The following RAP2A variants were observed in gnomAD, a reference collection of about 807,000 sequenced individuals.
The protein encoded by RAP2A is RAP2A, member of RAS oncogene family.
In RAP2A, 5 loss-of-function variants were observed where a neutral mutation model predicts 15.1. The observed-to-expected ratio is 0.33, with a 90% confidence interval of 0.17 to 0.70. The LOEUF is 0.70. RAP2A is among the 30% of genes least tolerant of loss of function. The pLI is 0.68. For synonymous variants in RAP2A, 110 were observed against 99.7 expected, an observed-to-expected ratio of 1.10 and a Z score of -0.62; for missense variants, 111 against 240.3, an observed-to-expected ratio of 0.46 and a Z score of 3.56.
chr13:97,448,262 A>G (rs2066687807), intron 1 of RAP2A, among the ~76,000 whole-genome samples: 1 of 152,206 alleles, frequency 6.6e-6, no homozygotes, highest in Admixed American at 6.5e-5. Flanking sequence ...ATAAAACATA[A>G]ATAACAGTTT....
Position 97,465,668 on chromosome 13 carries a change from C to T in RAP2A, c.*1226C>T, listed in dbSNP as rs2066767554. On this transcript the variant is annotated 3_prime_UTR_variant, in exon 2 of 2. Transcript: ENST00000245304. ...AACAATTTTGCCCTGATTACTGAAG[C>T]GTCAAATAAAGCTGGAGTGAAAATT... 2.0e-5 allele frequency: 3 copies of T among 152,256 alleles called. No homozygotes were observed. Among genetic ancestry groups the T allele is most frequent in the East Asian group, 1.9e-4 (1 of 5,184 alleles). The allele number at this position is 152,256 out of a possible 1,614,324, so 9.4% of individuals were successfully genotyped here. A position where few individuals can be genotyped will look rare whatever the true frequency, so the allele number is the denominator to read the frequency against.
chr13:97,440,820 A>C (rs904372800), intron 1 of RAP2A, among the ~76,000 whole-genome samples: 2 of 152,158 alleles, frequency 1.3e-5, no homozygotes, highest in African/African-American at 4.8e-5. Context: ...TCATTCATTC[A>C]TTCATTCATT....
intron 1 of RAP2A, among the ~76,000 whole-genome samples, chr13:97,448,950 A>G (rs1253875114): frequency 1.3e-5 from 2 of 152,076 alleles, no homozygotes; most frequent in Non-Finnish European, 2.9e-5. Flanking sequence ...AGGTGCACAG[A>G]TGCAGTGAGC....
rs1375130867 is a variant in RAP2A at position 97,464,747 on chromosome 13, C to A, written c.*305C>A. The A allele has an allele frequency of 1.5e-5, 5 of 322,994 alleles. No individual in the cohort carries two copies. Among genetic ancestry groups the A allele is most frequent in the Non-Finnish European group, 2.8e-5 (5 of 175,488 alleles). 20.0% of individuals were successfully genotyped at this position (322,994 alleles called of 1,614,324 possible). A position where few individuals can be genotyped will look rare whatever the true frequency, so the allele number is the denominator to read the frequency against. On this transcript the variant is annotated 3_prime_UTR_variant, in exon 2 of 2. Coordinates refer to ENST00000245304, the MANE Select transcript of RAP2A (RefSeq NM_021033.7). The stretch of plus-strand genomic sequence containing the variant: ...GGCATTGTCGCTGAGTTGACAGAAG[C>A]AACTATTGTACAAATTAAAAATAAC...
rs545578031 is a variant in RAP2A at position 97,441,336 on chromosome 13, C to T, written c.314+6552C>T. ...GGCAAAAATAATTTAAATTATTAAACATTAAGGAAGAGGTAGAGGAACTAA... is the reference window on the plus strand; with the variant it reads ...GGCAAAAATAATTTAAATTATTAAATATTAAGGAAGAGGTAGAGGAACTAA... On this transcript the variant is annotated intron_variant, in intron 1 of 1. Coordinates refer to ENST00000245304, the MANE Select transcript of RAP2A (RefSeq NM_021033.7). 3.9e-5 allele frequency among the ~76,000 whole-genome samples: 6 copies of T among 152,032 alleles called. No homozygotes were observed. In the East Asian group the frequency reaches 9.6e-4, roughly 24 times the overall value.
intron 1 of RAP2A, among the ~76,000 whole-genome samples, chr13:97,449,912 C>T (rs766924735): frequency 6.6e-6 from 1 of 151,622 alleles, no homozygotes; most frequent in Non-Finnish European, 1.5e-5. Flanking sequence ...ATTCTGTTGG[C>T]CTCATAACCT....
At chr13:97,443,566 A>T (rs2066666727) in intron 1 of RAP2A, among the ~76,000 whole-genome samples, 1 of 151,930 alleles carries the variant, frequency 6.6e-6, no homozygotes, top group Admixed American at 6.6e-5. Flanking sequence ...TTCTTTAAAA[A>T]TTTTTTCTAG....
At position 97,439,214 on chromosome 13, in the gene RAP2A, T is replaced by G. The variant is rs557568872; in HGVS notation, c.314+4430T>G. Reference sequence around the variant, plus strand: ...GCTAAATTACTGAAGGTTAAAGACTTAGGAGTTGATCATGTAGTCAAGGAC... The same window carrying G: ...GCTAAATTACTGAAGGTTAAAGACTGAGGAGTTGATCATGTAGTCAAGGAC... On this transcript the variant is annotated intron_variant, in intron 1 of 1. Coordinates refer to ENST00000245304, the MANE Select transcript of RAP2A (RefSeq NM_021033.7). 2.6e-5 allele frequency among the ~76,000 whole-genome samples: 4 copies of G among 152,288 alleles called. No individual in the cohort carries two copies. The East Asian group carries it at 7.7e-4, about 29-fold the overall frequency.
chr13:97,462,914 C>G (rs1323242259), intron 1 of RAP2A, among the ~76,000 whole-genome samples: 2 of 152,336 alleles, frequency 1.3e-5, no homozygotes, highest in East Asian at 3.9e-4. Context: ...TCATAGCGAA[C>G]AATAACCACC....
chr13:97,438,490 A>G (rs2066643479), intron 1 of RAP2A, among the ~76,000 whole-genome samples: 1 of 152,160 alleles, frequency 6.6e-6, no homozygotes, highest in Admixed American at 6.5e-5. Flanking sequence ...GGAGGTTGCA[A>G]ATGTTTTTTG....
At chr13:97,446,830 C>G (rs963794503) in intron 1 of RAP2A, among the ~76,000 whole-genome samples, 3 of 152,186 alleles carry the variant, frequency 2.0e-5, no homozygotes, top group African/African-American at 7.2e-5. Flanking sequence ...AACTAAAGAC[C>G]TCTGAGTGGC....
chr13:97,463,313 C>T lies in RAP2A; in HGVS notation c.315-892C>T, dbSNP rs150388337. Among the ~76,000 whole-genome samples the T allele has an allele frequency of 1.3e-3, 199 of 152,320 alleles. 1 individual carries two copies. The highest frequency in any genetic ancestry group is 2.1e-3 in the Non-Finnish European group (143 of 68,024). Reference sequence around the variant, plus strand: ...ATTGTAGAGACAATCATCTTAGGCACCAAAATGACTTAGGAGCTTCTTTCT... The same window carrying T: ...ATTGTAGAGACAATCATCTTAGGCATCAAAATGACTTAGGAGCTTCTTTCT... On this transcript the variant is annotated intron_variant, in intron 1 of 1. Transcript: ENST00000245304.
At chr13:97,447,385 T>C (rs1185248284) in intron 1 of RAP2A, among the ~76,000 whole-genome samples, 1 of 152,246 alleles carries the variant, frequency 6.6e-6, no homozygotes, top group Non-Finnish European at 1.5e-5. Context: ...AAGTAATTGA[T>C]GTAAACCATC....
chr13:97,462,415 A>T (rs1009822027), intron 1 of RAP2A, among the ~76,000 whole-genome samples: 2 of 152,072 alleles, frequency 1.3e-5, no homozygotes, highest in Non-Finnish European at 2.9e-5. Context: ...TTTATATGCA[A>T]AGTAGCAAAT....
chr13:97,443,078 T>C (rs1344740712), intron 1 of RAP2A, among the ~76,000 whole-genome samples: 2 of 152,146 alleles, frequency 1.3e-5, no homozygotes, highest in African/African-American at 4.8e-5. Context: ...GAGTGCGGGA[T>C]TATCTATTTC....
Position 97,456,397 on chromosome 13 carries a change from T to G in RAP2A, c.315-7808T>G, listed in dbSNP as rs189767661. On this transcript the variant is annotated intron_variant, in intron 1 of 1. Transcript: ENST00000245304. Reference sequence around the variant, plus strand: ...TTCAGAGTTCTTTGGTAATTGTTTTTTGTGTTTTGTCCTGAGTTTTTATTT... The same window carrying G: ...TTCAGAGTTCTTTGGTAATTGTTTTGTGTGTTTTGTCCTGAGTTTTTATTT... 1.8e-4 allele frequency among the ~76,000 whole-genome samples: 27 copies of G among 152,334 alleles called. No homozygotes were observed. The East Asian group carries it at 5.2e-3, about 29-fold the overall frequency.
chr13:97,448,298 C>T (rs2066687965), intron 1 of RAP2A, among the ~76,000 whole-genome samples: 1 of 152,116 alleles, frequency 6.6e-6, no homozygotes, highest in East Asian at 1.9e-4. Context: ...GCTATATCAC[C>T]ATTAAGATTC....
At chr13:97,447,836 G>A (rs9582134) in intron 1 of RAP2A, among the ~76,000 whole-genome samples, 3,967 of 152,208 alleles carry the variant, frequency 0.026, 67 homozygotes, top group African/African-American at 0.038. Context: ...CAGCACTGGG[G>A]ATACAGCTGC....
chr13:97,448,880 G>C (rs2066690483), intron 1 of RAP2A, among the ~76,000 whole-genome samples: 1 of 152,178 alleles, frequency 6.6e-6, no homozygotes, highest in Admixed American at 6.5e-5. Flanking sequence ...CAACAGGAGG[G>C]CTTTATGGGG....
Sources: gnomAD v4.1 joint callset for allele counts (sites outside exome capture counted in the v4.1 genomes callset) on GRCh38, gnomAD v4.1.1 for gene constraint, MANE v1.5 for transcripts, NCBI Gene and HGNC (gene_info 2026-07-23, HGNC 2026-07-21) for gene names.